The following YPEL1 variants were observed in gnomAD, a reference collection of about 807,000 sequenced individuals.
The protein encoded by YPEL1 is protein yippee-like 1.
YPEL1 carries 7 observed loss-of-function variants against 17.3 expected under a neutral mutation model. The ratio of observed to expected loss-of-function variants is 0.40; its 90% confidence interval spans 0.23 to 0.76. The LOEUF is 0.76. Among genes scored for constraint, YPEL1 ranks in the 30% least tolerant of loss-of-function variants. The pLI is 0.35. For synonymous variants in YPEL1, 59 were observed against 59.6 expected (o/e 0.99, Z 0.05); for missense variants, 91 against 155.5 (o/e 0.59, Z 2.21).
At chr22:21,720,011 CAA>C (rs112623506) in intron 1 of YPEL1, among the ~76,000 whole-genome samples, 43 of 112,896 alleles carry the variant, frequency 3.8e-4, no homozygotes, top group Middle Eastern at 4.8e-3. Context: ...GACTCCATCT[CAA>C]AAAAAAAAAA....
intron 1 of YPEL1, among the ~76,000 whole-genome samples, chr22:21,724,730 G>A (rs1018396463): frequency 7.3e-5 from 11 of 150,084 alleles, no homozygotes; most frequent in South Asian, 6.6e-4. Flanking sequence ...ACAGGTGTGC[G>A]CCACCACACT....
intron 1 of YPEL1, among the ~76,000 whole-genome samples, chr22:21,717,450 G>A (rs1333137791): frequency 6.6e-6 from 1 of 151,996 alleles, no homozygotes; most frequent in African/African-American, 2.4e-5. Flanking sequence ...TGTGAAGCAG[G>A]GAGAGATGAC....
rs1601645220 is a variant in YPEL1, at chr22:21,731,288, C to T, written c.-165+4327G>A. 1.3e-5 allele frequency among the ~76,000 whole-genome samples: 2 copies of T among 150,774 alleles called. 1 individual carries two copies. The highest frequency in any genetic ancestry group is 4.2e-4 in the South Asian group (2 of 4,768). On this transcript the variant is annotated intron_variant, in intron 1 of 4. Coordinates refer to ENST00000339468, the MANE Select transcript of YPEL1 (RefSeq NM_013313.5). ...CAGCTACTCGGGAGGCTGAGGTGATCGCCACTGCACTCCAGCCTGGATGAC... is the reference window on the plus strand; with the variant it reads ...CAGCTACTCGGGAGGCTGAGGTGATTGCCACTGCACTCCAGCCTGGATGAC...
chr22:21,731,533 AGG>A (rs67321748), intron 1 of YPEL1, among the ~76,000 whole-genome samples: 3,124 of 81,650 alleles, frequency 0.038, 154 homozygotes, highest in African/African-American at 0.091. Context: ...GGGCAAGAGA[AGG>A]GGGGAAAAAA....
intron 1 of YPEL1, among the ~76,000 whole-genome samples, chr22:21,721,273 C>T (rs1289463437): frequency 6.0e-5 from 9 of 150,738 alleles, no homozygotes; most frequent in African/African-American, 9.8e-5. Flanking sequence ...CCACCACGCC[C>T]GGCTAATTTT....
rs140653546 is a variant in YPEL1 at position 21,719,497 on chromosome 22, G to A, written c.-164-8589C>T. Among the ~76,000 whole-genome samples the A allele has an allele frequency of 7.9e-5, 12 of 152,300 alleles. 1 individual carries two copies. The highest frequency in any genetic ancestry group is 2.6e-4 in the African/African-American group (11 of 41,564). ...GAGACAGGAAACTTATTCACAAACT[G>A]GGTATTCAGGTCTCTAGCGTTCAGA... On this transcript the variant is annotated intron_variant, in intron 1 of 4. Coordinates refer to ENST00000339468, the MANE Select transcript of YPEL1 (RefSeq NM_013313.5).
intron 2 of YPEL1, chr22:21,704,259 A>C: frequency 1.4e-6 from 1 of 703,224 alleles, no homozygotes; most frequent in South Asian, 1.5e-5. Context: ...GATCCTCAAA[A>C]TGCTCTCCTC....
At chr22:21,710,450 T>TG (rs1427573375) in intron 2 of YPEL1, 178 bp downstream of exon 2, 4 of 635,980 alleles carry the variant, frequency 6.3e-6, no homozygotes, top group Non-Finnish European at 1.1e-5. Context: ...TCTGAGATCG[T>TG]GGCACAGCCA....
intron 1 of YPEL1, among the ~76,000 whole-genome samples, chr22:21,723,839 G>A (rs1312710686): frequency 1.3e-5 from 2 of 151,528 alleles, no homozygotes; most frequent in Non-Finnish European, 2.9e-5. Flanking sequence ...CTGATTTTTT[G>A]TATTTTTAGT....
At chr22:21,721,960 G>A (rs1440110385) in intron 1 of YPEL1, among the ~76,000 whole-genome samples, 1 of 152,202 alleles carries the variant, frequency 6.6e-6, no homozygotes, top group East Asian at 1.9e-4. Context: ...CATGTAAGCA[G>A]AATCATGCAG....
chr22:21,709,689 A>T (rs1358647370), intron 2 of YPEL1, among the ~76,000 whole-genome samples: 2 of 152,226 alleles, frequency 1.3e-5, no homozygotes, highest in Non-Finnish European at 2.9e-5. Context: ...CTTCCTGACA[A>T]ACTTTGTTCC....
At chr22:21,728,973 T>C (rs1036760766) in intron 1 of YPEL1, among the ~76,000 whole-genome samples, 17 of 151,866 alleles carry the variant, frequency 1.1e-4, no homozygotes, top group African/African-American at 4.1e-4. Context: ...TGAAACCCCA[T>C]CTCTACTAAA....
chr22:21,711,146 C>T (rs957263805), intron 1 of YPEL1, among the ~76,000 whole-genome samples: 6 of 151,884 alleles, frequency 4.0e-5, no homozygotes, highest in African/African-American at 1.5e-4. Context: ...ACCTCAGCCT[C>T]TGAGTAGCTG....
rs1442123234 is a variant in YPEL1 at position 21,699,788 on chromosome 22, C to G, written c.*1341G>C. 1 of 152,686 alleles carries G rather than the reference C, an allele frequency of 6.5e-6. No homozygotes were observed. The highest frequency in any genetic ancestry group is 1.5e-5 in the Non-Finnish European group (1 of 68,042). The allele number at this position is 152,686 out of a possible 1,614,324, so 9.5% of individuals were successfully genotyped here. On this transcript the variant is annotated 3_prime_UTR_variant, in exon 5 of 5. Transcript: ENST00000339468. ...TAGAAAATGAAATCTGACTTTTCCT[C>G]GGTCCAGTGTGTTACTCTATAGACA...
chr22:21,701,562 C>T (rs1031661045), intron 4 of YPEL1, among the ~76,000 whole-genome samples: 2 of 152,232 alleles, frequency 1.3e-5, no homozygotes, highest in African/African-American at 4.8e-5. Context: ...CCTTGACCTC[C>T]AGGACTCAAG....
chr22:21,710,838 C>G lies in YPEL1; in HGVS notation c.-94G>C. ...GACAAAAGCAACACTGGAAAATGCA[C>G]GCAAGAGCCGTCGTTGTCCAGGAGG... On this transcript the variant is annotated 5_prime_UTR_variant, in exon 2 of 5. Coordinates refer to ENST00000339468, the MANE Select transcript of YPEL1 (RefSeq NM_013313.5). 1 of 1,121,500 alleles carries G rather than the reference C, an allele frequency of 8.9e-7. No individual in the cohort carries two copies. The allele number at this position is 1,121,500 out of a possible 1,614,324, so 69.5% of individuals were successfully genotyped here.
rs2148590379 is a variant in YPEL1, at chr22:21,698,330, A to AGAC, written c.*2796_*2798dup. On this transcript the variant is annotated 3_prime_UTR_variant, in exon 5 of 5. Coordinates refer to ENST00000339468, the MANE Select transcript of YPEL1 (RefSeq NM_013313.5). ...AATGTTCAATCAATGCCGTCACAAA[A>AGAC]GACAGTACAAAAACCAAAGTGCCCA... The AGAC allele has an allele frequency of 6.6e-6, 1 of 152,444 alleles. No individual in the cohort carries two copies. The highest frequency in any genetic ancestry group is 2.1e-4 in the South Asian group (1 of 4,832). The allele number at this position is 152,444 out of a possible 1,614,324, so 9.4% of individuals were successfully genotyped here.
chr22:21,705,855 C>T (rs529771244), intron 2 of YPEL1, among the ~76,000 whole-genome samples: 2 of 152,102 alleles, frequency 1.3e-5, no homozygotes, highest in African/African-American at 2.4e-5. Flanking sequence ...ATAGGCCAGG[C>T]GCGGTGGCTC....
intron 1 of YPEL1, among the ~76,000 whole-genome samples, chr22:21,719,158 G>A (rs530083370): frequency 3.3e-5 from 5 of 152,202 alleles, no homozygotes; most frequent in South Asian, 2.1e-4. Context: ...GTATCAGCTC[G>A]GCCACCACCC....
Sources: gnomAD v4.1 joint callset for allele counts (sites outside exome capture counted in the v4.1 genomes callset) on GRCh38, gnomAD v4.1.1 for gene constraint, MANE v1.5 for transcripts, NCBI Gene and HGNC (gene_info 2026-07-23, HGNC 2026-07-21) for gene names.